Variants in NHEJ1 observed in about 807,000 individuals in gnomAD.
The protein encoded by NHEJ1 is non-homologous end joining factor 1.
Under a neutral mutation model 39.4 loss-of-function variants are expected in NHEJ1, and 22 were observed. The ratio of observed to expected loss-of-function variants is 0.56; its 90% CI spans 0.40 to 0.80. The LOEUF (loss-of-function observed/expected upper bound fraction) is 0.80. Among genes scored for constraint, NHEJ1 ranks in the 30% least tolerant of loss-of-function variants. The pLI is 0.00. For missense variants in NHEJ1, 329 were observed against 357.1 expected (o/e 0.92, Z 0.63); for synonymous variants, 154 against 135.6 (o/e 1.14, Z -0.94).
At chr2:219,116,640 A>T (rs1949419522) in intron 5 of NHEJ1, among the ~76,000 whole-genome samples, 1 of 152,196 alleles carries the variant, frequency 6.6e-6, no homozygotes, top group South Asian at 2.1e-4. Context: ...TACAGGTGTA[A>T]GCTACCATAC....
At chr2:219,149,384 C>T (rs377120750) in intron 3 of NHEJ1, among the ~76,000 whole-genome samples, 97 of 152,030 alleles carry the variant, frequency 6.4e-4, no homozygotes, top group East Asian at 2.1e-3. Context: ...GGGAGGCCAA[C>T]GTTGGAGGAT....
chr2:219,125,087 G>C (rs1186180633), intron 5 of NHEJ1, among the ~76,000 whole-genome samples: 1 of 150,258 alleles, frequency 6.7e-6, no homozygotes, highest in Non-Finnish European at 1.5e-5. Context: ...GATGGTTTGG[G>C]TTTCTTGGAA....
chr2:219,111,628 GACACACACACACAC>G lies in NHEJ1; in HGVS notation c.589-33436_589-33423del, dbSNP rs368706049. Among the ~76,000 whole-genome samples the G allele has an allele frequency of 1.4e-5, 2 of 138,370 alleles. No individual in the cohort carries two copies. Among genetic ancestry groups the G allele is most frequent in the African/African-American group, 5.6e-5 (2 of 36,022 alleles). 90.8% of individuals were successfully genotyped at this position (138,370 alleles called of 152,430 possible). A position where few individuals can be genotyped will look rare whatever the true frequency, so the allele number is the denominator to read the frequency against. The stretch of plus-strand genomic sequence containing the variant: ...GAATTAAGTCTACAGTGTGAATACA[GACACACACACACAC>G]ACACACACACACACACACACAGAGA... On this transcript the variant is annotated intron_variant, in intron 5 of 7. Transcript: ENST00000356853. This position sits in a 1 kb window ranked among gnomAD's most constrained non-coding sequence, Gnocchi z 4.1.
Position 219,147,676 on chromosome 2 carries a change from A to G in NHEJ1, c.510T>C (p.Ser170=). 1 of 1,613,700 alleles carries G rather than the reference A, an allele frequency of 6.2e-7. No individual in the cohort carries two copies. The highest frequency in any genetic ancestry group is 8.5e-7 in the Non-Finnish European group (1 of 1,179,916). Residue 170 remains serine (S), a synonymous_variant, in exon 4 of 8, where the codon AGT becomes AGC. Transcript: ENST00000356853. ...TCTTACCTCGAATCAGCGTAGCCCC[A>G]CTCTCCTGGTAGTCTTGGATCTCTA... The part of the protein sequence containing the change: ...KDLEIQDYQE[S]GATLIRDRLK...
chr2:219,098,274 G>A (rs1949226306), intron 5 of NHEJ1, among the ~76,000 whole-genome samples: 1 of 152,194 alleles, frequency 6.6e-6, no homozygotes, highest in South Asian at 2.1e-4. Context: ...GGGGAGTGAA[G>A]ATGTAGGGTG....
rs1948991451 is a variant in NHEJ1 at position 219,074,225 on chromosome 2, G to A, written c.*2156C>T. 6.6e-6 allele frequency among the ~76,000 whole-genome samples: 1 copy of A among 152,140 alleles called. No homozygotes were observed. Among genetic ancestry groups the A allele is most frequent in the Non-Finnish European group, 1.5e-5 (1 of 68,018 alleles). ...TTAGAAAGTCACACATTCTTTTTGA[G>A]AACATCAACAAAATTTTGCTCTTAA... On this transcript the variant is annotated 3_prime_UTR_variant, in exon 8 of 8. Transcript: ENST00000356853.
intron 5 of NHEJ1, among the ~76,000 whole-genome samples, chr2:219,100,586 G>A (rs1574711618): frequency 6.6e-6 from 1 of 150,802 alleles, no homozygotes. Context: ...ACTCCAGCCT[G>A]GGCGACAGAA....
At chr2:219,137,595 A>AAAAAACC in intron 5 of NHEJ1, among the ~76,000 whole-genome samples, 1 of 82,668 alleles carries the variant, frequency 1.2e-5, no homozygotes, top group Non-Finnish European at 3.0e-5. Flanking sequence ...AAAAAAAACA[A>AAAAAACC]AAAAAACTGA....
At chr2:219,113,986 G>A (rs1949388401) in intron 5 of NHEJ1, among the ~76,000 whole-genome samples, 1 of 152,192 alleles carries the variant, frequency 6.6e-6, no homozygotes, top group African/African-American at 2.4e-5. Context: ...CAAAACCAAT[G>A]CCTTAGACAG....
At chr2:219,089,576 G>C (rs1046062454) in intron 5 of NHEJ1, among the ~76,000 whole-genome samples, 3 of 152,216 alleles carry the variant, frequency 2.0e-5, no homozygotes, top group Admixed American at 6.5e-5. Context: ...CAGGGGATAG[G>C]AGACAGGGTG....
intron 2 of NHEJ1, 58 bp downstream of exon 2, chr2:219,158,128 C>T: frequency 5.7e-6 from 9 of 1,589,162 alleles, no homozygotes; most frequent in Non-Finnish European, 7.8e-6. Context: ...AAACTACAGG[C>T]CAGCAAGCTG....
intron 5 of NHEJ1, among the ~76,000 whole-genome samples, chr2:219,126,733 A>G (rs1437096956): frequency 6.6e-6 from 1 of 152,262 alleles, no homozygotes; most frequent in Non-Finnish European, 1.5e-5. Flanking sequence ...ACAGAATAGC[A>G]TATAAGAAGG....
intron 3 of NHEJ1, among the ~76,000 whole-genome samples, chr2:219,150,866 G>C (rs1308977029): frequency 6.6e-6 from 1 of 151,874 alleles, no homozygotes; most frequent in African/African-American, 2.4e-5. Flanking sequence ...TGAGACAGAA[G>C]AATCGCCTGA....
chr2:219,085,251 G>A (rs1378869920), intron 5 of NHEJ1, among the ~76,000 whole-genome samples: 7 of 152,172 alleles, frequency 4.6e-5, no homozygotes, highest in Non-Finnish European at 1.0e-4. Flanking sequence ...GAAGACAACT[G>A]TTTCATTCTC....
intron 5 of NHEJ1, among the ~76,000 whole-genome samples, chr2:219,138,235 C>T (rs999731387): frequency 6.6e-6 from 1 of 152,164 alleles, no homozygotes; most frequent in Admixed American, 6.6e-5. Flanking sequence ...ATTCTTTTGA[C>T]TTTTGAGGTG....
chr2:219,106,052 C>T (rs113847433), intron 5 of NHEJ1, among the ~76,000 whole-genome samples: 1 of 152,112 alleles, frequency 6.6e-6, no homozygotes, highest in Non-Finnish European at 1.5e-5. Flanking sequence ...TTTAATAAGG[C>T]ACCAGCATAT....
chr2:219,134,029 T>C (rs889496098), intron 5 of NHEJ1, among the ~76,000 whole-genome samples: 2 of 152,230 alleles, frequency 1.3e-5, no homozygotes, highest in African/African-American at 4.8e-5. Context: ...AGCTATCTCA[T>C]TTATTTCCTT....
chr2:219,094,815 G>A (rs778604016), intron 5 of NHEJ1, among the ~76,000 whole-genome samples: 5 of 152,076 alleles, frequency 3.3e-5, no homozygotes, highest in Non-Finnish European at 7.4e-5. Context: ...CTGACCCTAC[G>A]CAACAGAACA....
At chr2:219,136,286 C>CTTTTTTTT in intron 5 of NHEJ1, among the ~76,000 whole-genome samples, 1 of 125,870 alleles carries the variant, frequency 7.9e-6, no homozygotes, top group Non-Finnish European at 1.7e-5. Context: ...CACTTGGTTT[C>CTTTTTTTT]TTTTTTTTTT....
Sources: allele counts gnomAD v4.1 joint callset (sites outside exome capture counted in the v4.1 genomes callset), GRCh38; gene constraint gnomAD v4.1.1; non-coding constraint Gnocchi (gnomAD v3.1); transcripts MANE v1.5; gene names NCBI Gene and HGNC (gene_info 2026-07-23, HGNC 2026-07-21).